Variants in FSTL4 observed in about 807,000 individuals in gnomAD.
FSTL4 encodes the protein follistatin like 4.
Under a neutral mutation model 78.2 loss-of-function variants are expected in FSTL4, and 28 were observed. That is an observed-to-expected ratio of 0.36 (90% CI 0.27 to 0.49). FSTL4 has a LOEUF of 0.49. Ranked by LOEUF, FSTL4 falls within the 20% of genes least tolerant of loss-of-function variation. The pLI is 0.98. For missense variants in FSTL4, 922 were observed against 1,084.9 expected (o/e 0.85, Z 2.11); for synonymous variants, 422 against 440.5 (o/e 0.96, Z 0.53).
intron 11 of FSTL4, among the ~76,000 whole-genome samples, chr5:133,222,694 A>G (rs959559605): frequency 1.3e-5 from 2 of 152,200 alleles, no homozygotes; most frequent in Admixed American, 1.3e-4. Context: ...CAGTCATTCA[A>G]CAAGTAATTG....
chr5:133,406,926 C>G (rs1326740837), intron 3 of FSTL4, among the ~76,000 whole-genome samples: 1 of 152,224 alleles, frequency 6.6e-6, no homozygotes, highest in Non-Finnish European at 1.5e-5. Context: ...TAGAGCCTAG[C>G]TTTGAATCAG....
chr5:133,214,690 A>G (rs1372297684), intron 13 of FSTL4, among the ~76,000 whole-genome samples: 2 of 152,166 alleles, frequency 1.3e-5, no homozygotes, highest in African/African-American at 2.4e-5. Flanking sequence ...TGGATGTAAG[A>G]TATTCCACTT....
At chr5:133,833,070 C>T in the FSTL4 span, among the ~76,000 whole-genome samples, 25 of 152,278 alleles carry the variant, frequency 1.6e-4, no homozygotes, top group Non-Finnish European at 2.6e-4. Flanking sequence ...CAACCCCTGC[C>T]ATAAATAAAA....
the FSTL4 span, among the ~76,000 whole-genome samples, chr5:133,727,184 G>A: frequency 2.0e-5 from 3 of 152,074 alleles, no homozygotes; most frequent in Admixed American, 2.0e-4. Flanking sequence ...AAAATGAAAT[G>A]GAAAAGCTCC....
At position 133,610,052 on chromosome 5, in the gene FSTL4, A is replaced by G. The variant is rs924817117; in HGVS notation, c.-11+2273T>C. On this transcript the variant is annotated intron_variant, in intron 1 of 15. Coordinates refer to ENST00000265342, the MANE Select transcript of FSTL4 (RefSeq NM_015082.2). The stretch of plus-strand genomic sequence containing the variant: ...AGTTTTATGAAACAATGACTATTCA[A>G]TGCTAGTCTCTGAATATAGTGTTAA... 9.2e-5 allele frequency among the ~76,000 whole-genome samples: 14 copies of G among 152,364 alleles called. No homozygotes were observed. In the Middle Eastern group the frequency reaches 0.01, roughly 111 times the overall value.
the FSTL4 span, among the ~76,000 whole-genome samples, chr5:133,646,900 T>C: frequency 6.6e-6 from 1 of 152,302 alleles, no homozygotes; most frequent in African/African-American, 2.4e-5. Flanking sequence ...TGTACCATTT[T>C]CGTCGTTTTA....
chr5:133,376,931 C>T (rs911697299), intron 4 of FSTL4, among the ~76,000 whole-genome samples: 1 of 150,216 alleles, frequency 6.7e-6, no homozygotes, highest in Admixed American at 6.6e-5. Flanking sequence ...TCAGTAAAAA[C>T]AGCAAGAGTC....
chr5:133,467,933 G>A (rs1468980822), intron 3 of FSTL4, among the ~76,000 whole-genome samples: 1 of 152,198 alleles, frequency 6.6e-6, no homozygotes, highest in African/African-American at 2.4e-5. Flanking sequence ...AGCAATTAGA[G>A]TAATTGTCTT....
At chr5:133,841,965 G>A in the FSTL4 span, among the ~76,000 whole-genome samples, 3 of 152,206 alleles carry the variant, frequency 2.0e-5, no homozygotes, top group African/African-American at 4.8e-5. Context: ...TCCACAGGAG[G>A]CAGGCCTGGC....
chr5:133,550,245 C>A (rs559483604), intron 3 of FSTL4, among the ~76,000 whole-genome samples: 1 of 152,230 alleles, frequency 6.6e-6, no homozygotes, highest in Admixed American at 6.5e-5. Context: ...ATCTAGCCTC[C>A]CATATAGCCA....
chr5:133,331,819 C>G (rs1754353901), intron 4 of FSTL4, among the ~76,000 whole-genome samples: 1 of 152,168 alleles, frequency 6.6e-6, no homozygotes, highest in Non-Finnish European at 1.5e-5. Context: ...ATTTCCAGGG[C>G]TTGAGCCTCT....
At chr5:133,792,740 G>A in the FSTL4 span, among the ~76,000 whole-genome samples, 1 of 152,186 alleles carries the variant, frequency 6.6e-6, no homozygotes, top group Non-Finnish European at 1.5e-5. Context: ...AGTCGAAGGA[G>A]AGGAATTATA....
chr5:133,746,370 A>G, the FSTL4 span, among the ~76,000 whole-genome samples: 1 of 152,172 alleles, frequency 6.6e-6, no homozygotes, highest in African/African-American at 2.4e-5. Flanking sequence ...CTTCTCTCAG[A>G]TGGGCATGAG....
rs1761111039 is a variant in FSTL4, at chr5:133,612,123, T to C, written c.-11+202A>G. On this transcript the variant is annotated intron_variant, in intron 1 of 15. Coordinates refer to ENST00000265342, the MANE Select transcript of FSTL4 (RefSeq NM_015082.2). This position sits in a 1 kb window ranked among gnomAD's most constrained non-coding sequence, Gnocchi z 6.2. Reference sequence around the variant, plus strand: ...TGGCCGGGGTAGCCCTGCCGAGCCCTGGCCCAGCGGTCCCTTCCCCGCGGG... The same window carrying C: ...TGGCCGGGGTAGCCCTGCCGAGCCCCGGCCCAGCGGTCCCTTCCCCGCGGG... 6.6e-6 allele frequency among the ~76,000 whole-genome samples: 1 copy of C among 151,852 alleles called. No homozygotes were observed. Among genetic ancestry groups the C allele is most frequent in the South Asian group, 2.1e-4 (1 of 4,816 alleles).
intron 4 of FSTL4, among the ~76,000 whole-genome samples, chr5:133,369,171 C>T (rs942887313): frequency 6.6e-6 from 1 of 152,210 alleles, no homozygotes; most frequent in South Asian, 2.1e-4. Flanking sequence ...CAAGTCTGTC[C>T]TTTTCTTGTT....
At chr5:133,563,619 G>A (rs1209286011) in intron 3 of FSTL4, among the ~76,000 whole-genome samples, 1 of 152,214 alleles carries the variant, frequency 6.6e-6, no homozygotes, top group African/African-American at 2.4e-5. Context: ...CACAGCCCAT[G>A]GAGCACAGTC....
At chr5:133,330,397 G>A (rs1196536962) in intron 4 of FSTL4, among the ~76,000 whole-genome samples, 1 of 152,168 alleles carries the variant, frequency 6.6e-6, no homozygotes, top group Admixed American at 6.5e-5. Flanking sequence ...GGTGAAAGGG[G>A]AGCAGGTATC....
rs372834943 is a variant in FSTL4 at position 133,236,837 on chromosome 5, G to A, written c.895-3300C>T. On this transcript the variant is annotated intron_variant, in intron 7 of 15. Coordinates refer to ENST00000265342, the MANE Select transcript of FSTL4 (RefSeq NM_015082.2). This position sits in a 1 kb window ranked among gnomAD's most constrained non-coding sequence, Gnocchi z 5.0. ...GAGCCTAACCTCTTCCCCACACCCTGCTTGGCGCCTCCTGTGGACGCACTG... is the reference window on the plus strand; with the variant it reads ...GAGCCTAACCTCTTCCCCACACCCTACTTGGCGCCTCCTGTGGACGCACTG... Among the ~76,000 whole-genome samples the A allele has an allele frequency of 3.5e-4, 54 of 152,302 alleles. No homozygotes were observed. Among genetic ancestry groups the A allele is most frequent in the African/African-American group, 1.2e-3 (49 of 41,564 alleles).
chr5:133,629,496 A>G, the FSTL4 span, among the ~76,000 whole-genome samples: 12 of 152,218 alleles, frequency 7.9e-5, no homozygotes, highest in African/African-American at 2.4e-4. Context: ...AAATTGAGGC[A>G]GTAATTAACA....
Sources: gnomAD v4.1 joint callset for allele counts (sites outside exome capture counted in the v4.1 genomes callset) on GRCh38, gnomAD v4.1.1 for gene constraint, Gnocchi (gnomAD v3.1) non-coding constraint, MANE v1.5 for transcripts, NCBI Gene and HGNC (gene_info 2026-07-23, HGNC 2026-07-21) for gene names.